Variants in SCYL3 observed in about 807,000 individuals in gnomAD.
The protein encoded by SCYL3 is SCY1 like pseudokinase 3, also known as protein-associating with the carboxyl-terminal domain of ezrin.
In SCYL3, 35 loss-of-function variants were observed where a neutral mutation model predicts 73.8. The ratio of observed to expected loss-of-function variants is 0.47; its 90% CI spans 0.36 to 0.63. The LOEUF is 0.63. Among genes scored for constraint, SCYL3 ranks in the 20% least tolerant of loss-of-function variants. The pLI, the probability that SCYL3 is intolerant of heterozygous loss-of-function variation, is 0.00. For missense variants in SCYL3, 712 were observed against 798.9 expected (o/e 0.89, Z 1.31); for synonymous variants, 277 against 295.2 (o/e 0.94, Z 0.63).
In SCYL3 at chr1:169,854,533, C is replaced by T. The variant is rs570451904; in HGVS notation, c.1744G>A (p.Glu582Lys). The change falls in exon 12 of 13, where the codon GAG becomes AAG. Residue 582 changes from glutamate (E) to lysine (K), a missense_variant. Glu to Lys is a moderately conservative substitution (Grantham distance 56). Around this residue, in one of 2 missense-constraint regions of SCYL3, gnomAD observed 370 missense variants for 350.8 expected, o/e 1.05. Coordinates refer to ENST00000367771, the MANE Select transcript of SCYL3 (RefSeq NM_020423.7). ...TCTTGTGATGACACTTTTGGCGGCT[C>T]GATTTGGTCTGCGTCATCCCCCCTT... is the stretch of plus-strand genomic sequence containing the variant. ...VQRGDDADQI[E>K]PPKVSSQERP... 35 of 1,613,842 alleles carry T rather than the reference C, an allele frequency of 2.2e-5. No individual in the cohort carries two copies. The highest frequency in any genetic ancestry group is 1.5e-4 in the Admixed American group (9 of 59,956).
chr1:169,854,136 CTG>C, intron 12 of SCYL3, 132 bp downstream of exon 12: 1 of 687,804 alleles, frequency 1.5e-6, no homozygotes, highest in Non-Finnish European at 2.3e-6. Context: ...ATGATAGAAA[CTG>C]ATTTTGTTAA....
chr1:169,856,828 C>T (rs183608910), intron 11 of SCYL3, among the ~76,000 whole-genome samples: 1 of 152,162 alleles, frequency 6.6e-6, no homozygotes, highest in Non-Finnish European at 1.5e-5. Context: ...TTCATTAGCA[C>T]CAAGGAAGAG....
At chr1:169,865,833 C>T (rs1218344083) in intron 8 of SCYL3, among the ~76,000 whole-genome samples, 2 of 152,136 alleles carry the variant, frequency 1.3e-5, no homozygotes, top group Admixed American at 1.3e-4. Flanking sequence ...ATATCATAGC[C>T]TTCCTAGCTC....
At chr1:169,856,388 A>G (rs12128754) in intron 11 of SCYL3, among the ~76,000 whole-genome samples, 28,186 of 152,218 alleles carry the variant, frequency 0.19, 2,768 homozygotes, top group South Asian at 0.27. Flanking sequence ...AAAATAATAA[A>G]TTTAAGCTGT....
rs558773236 is a variant in SCYL3, at chr1:169,885,179, C to A, written c.165+3497G>T. Among the ~76,000 whole-genome samples, 18 of 152,194 alleles carry A rather than the reference C, an allele frequency of 1.2e-4. 1 individual carries two copies. In the South Asian group the frequency reaches 3.7e-3, roughly 32 times the overall value. ...TCTGAAAGAGGGTTCTGAGTAAGGA[C>A]CTTTATTGTTAAATATGAATAGTAT... On this transcript the variant is annotated intron_variant, in intron 2 of 12. Coordinates refer to ENST00000367771, the MANE Select transcript of SCYL3 (RefSeq NM_020423.7).
intron 2 of SCYL3, among the ~76,000 whole-genome samples, chr1:169,886,505 T>C (rs138848904): frequency 2.5e-4 from 38 of 152,264 alleles, no homozygotes; most frequent in Admixed American, 2.4e-3. Flanking sequence ...CAATACTAAA[T>C]AGAGCACTTA....
chr1:169,892,135 T>C (rs1237453068), intron 1 of SCYL3, among the ~76,000 whole-genome samples: 1 of 152,218 alleles, frequency 6.6e-6, no homozygotes, highest in Non-Finnish European at 1.5e-5. Flanking sequence ...GCAAACTTTA[T>C]TGGGGGAAAA....
Position 169,854,918 on chromosome 1 carries a change from T to C in SCYL3, c.1359A>G (p.Ser453=). 1 of 1,612,546 alleles carries C rather than the reference T, an allele frequency of 6.2e-7. No individual in the cohort carries two copies. Among genetic ancestry groups the C allele is most frequent in the African/African-American group, 1.3e-5 (1 of 74,876 alleles). The change falls in exon 12 of 13, where the codon TCA becomes TCG. Residue 453 remains serine (S), a synonymous_variant. Transcript: ENST00000367771. ...TGTCCTCCGAAGTATTTTTTACATC[T>C]GAGAGTCCATTTATGGGAAATTTAA... ...QPIKFPINGL[S]DVKNTSEDSE...
intron 2 of SCYL3, among the ~76,000 whole-genome samples, chr1:169,885,969 C>T (rs752457337): frequency 1.2e-4 from 19 of 152,148 alleles, no homozygotes; most frequent in Middle Eastern, 3.4e-3. Flanking sequence ...CCAGAAGCCA[C>T]GTAAGAGCAC....
intron 10 of SCYL3, among the ~76,000 whole-genome samples, chr1:169,860,998 T>G (rs960022991): frequency 6.6e-6 from 1 of 152,250 alleles, no homozygotes; most frequent in African/African-American, 2.4e-5. Flanking sequence ...CATTTACTCT[T>G]TGACCTCAGT....
chr1:169,888,102 A>G (rs1558147527), intron 2 of SCYL3, among the ~76,000 whole-genome samples: 1 of 152,250 alleles, frequency 6.6e-6, no homozygotes, highest in Non-Finnish European at 1.5e-5. Context: ...AGAAGCATCA[A>G]CTAATGCCTT....
intron 2 of SCYL3, among the ~76,000 whole-genome samples, chr1:169,888,152 T>C (rs1360947056): frequency 6.6e-6 from 1 of 152,266 alleles, no homozygotes; most frequent in Admixed American, 6.5e-5. Flanking sequence ...GGTTATTTTA[T>C]TGACTTACAT....
rs150257588 is a variant in SCYL3, at chr1:169,864,408, C to A, written c.916G>T (p.Val306Phe). Residue 306 changes from valine (V) to phenylalanine (F), a missense_variant, in exon 9 of 13, where the codon GTT (valine) becomes TTT (phenylalanine). Val to Phe is a conservative substitution (Grantham distance 50). This residue lies in a region of SCYL3 where 342 missense variants were observed against 448.1 expected (regional missense o/e 0.76). Transcript: ENST00000367771. Reference protein sequence around the residue: ...NQLVFAEPVAVKSFLPYLLGP... With the variant: ...NQLVFAEPVAFKSFLPYLLGP... ...AGCAGATAAGGAAGAAAACTCTTAACAGCCACTGGCTCTGCAAACACCAAC... is the reference window on the plus strand; with the variant it reads ...AGCAGATAAGGAAGAAAACTCTTAAAAGCCACTGGCTCTGCAAACACCAAC... 6.2e-7 allele frequency: 1 copy of A among 1,614,168 alleles called. No individual in the cohort carries two copies. Among genetic ancestry groups the A allele is most frequent in the Non-Finnish European group, 8.5e-7 (1 of 1,180,020 alleles).
intron 5 of SCYL3, among the ~76,000 whole-genome samples, chr1:169,872,773 T>C (rs1215034911): frequency 6.6e-6 from 1 of 152,200 alleles, no homozygotes; most frequent in African/African-American, 2.4e-5. Context: ...TTTGGAGCTT[T>C]AAGATTTGAC....
intron 10 of SCYL3, among the ~76,000 whole-genome samples, chr1:169,860,907 CA>C (rs563836289): frequency 5.9e-5 from 9 of 152,230 alleles, no homozygotes; most frequent in Non-Finnish European, 1.3e-4. Context: ...AACTTTCTAG[CA>C]CACACAAATT....
chr1:169,863,440 T>C (rs893464441), intron 9 of SCYL3, among the ~76,000 whole-genome samples: 5 of 152,162 alleles, frequency 3.3e-5, no homozygotes, highest in Admixed American at 2.0e-4. Flanking sequence ...CATACTGATA[T>C]TGTTGTAGTT....
chr1:169,855,929 A>G, intron 11 of SCYL3: 1 of 1,613,816 alleles, frequency 6.2e-7, no homozygotes, highest in Non-Finnish European at 8.5e-7. Flanking sequence ...TCTGACTGTG[A>G]TGGCTGCAGA....
At position 169,878,700 on chromosome 1, in the gene SCYL3, CAA is replaced by C. The variant is rs763388120; in HGVS notation, c.283_284del (p.Leu95ValfsTer11). ...VQPLEVALET[L>X]SSAEVCAGIY... ...TCCCAGCACAGACCTCTGCAGAAGA[CAA>C]TGTTTCCAAAGCCACTTCCAGGGGC... On this transcript the variant is annotated frameshift_variant, in exon 3 of 13. Coordinates refer to ENST00000367771, the MANE Select transcript of SCYL3 (RefSeq NM_020423.7). LOFTEE classifies it high-confidence loss of function. 1 of 1,614,070 alleles carries C rather than the reference CAA, an allele frequency of 6.2e-7. No homozygotes were observed. The highest frequency in any genetic ancestry group is 2.2e-5 in the East Asian group (1 of 44,882).
Position 169,879,031 on chromosome 1 carries a change from C to G in SCYL3, c.166-212G>C, listed in dbSNP as rs541573811. ...ATTTACTAATATTTAAATGGCTCTA[C>G]AGAAATTTCCAGTTCCATCATTGTA... On this transcript the variant is annotated intron_variant, in intron 2 of 12. Transcript: ENST00000367771. 3.3e-5 allele frequency among the ~76,000 whole-genome samples: 5 copies of G among 152,314 alleles called. No individual in the cohort carries two copies. The East Asian group carries it at 9.7e-4, about 29-fold the overall frequency.
Sources: gnomAD v4.1 joint callset for allele counts (sites outside exome capture counted in the v4.1 genomes callset) on GRCh38, gnomAD v4.1.1 for gene constraint, gnomAD v4.1.1 regional missense constraint, MANE v1.5 for transcripts, NCBI Gene and HGNC (gene_info 2026-07-23, HGNC 2026-07-21) for gene names.